The following CD109 variants were observed in gnomAD, a reference collection of about 807,000 sequenced individuals.
CD109 encodes CD109 antigen.
CD109 carries 149 observed loss-of-function variants against 165.8 expected under a neutral mutation model. The ratio of observed to expected loss-of-function variants is 0.90; its 90% confidence interval spans 0.79 to 1.03. The LOEUF (loss-of-function observed/expected upper bound fraction) is 1.03. CD109 is among the 50% of genes least tolerant of loss of function. The pLI is 0.00. For synonymous variants in CD109, 585 were observed against 592.1 expected, an observed-to-expected ratio of 0.99 and a Z score of 0.18; for missense variants, 1,712 against 1,677.8, an observed-to-expected ratio of 1.02 and a Z score of -0.36.
In CD109 at chr6:73,732,671, ACTGCATAAATTGC is replaced by A. The variant is rs551164815; in HGVS notation, c.507+2101_507+2113del. On this transcript the variant is annotated intron_variant, in intron 4 of 32. Transcript: ENST00000287097. Reference sequence around the variant, plus strand: ...CTACTGCAGGCAAATAAAAGTTAGCACTGCATAAATTGCCTGTTCTAGACATCAACCCAGAACT... The same window carrying A: ...CTACTGCAGGCAAATAAAAGTTAGCACTGTTCTAGACATCAACCCAGAACT... Among the ~76,000 whole-genome samples the A allele has an allele frequency of 5.6e-4, 85 of 152,362 alleles. 1 individual carries two copies. In the East Asian group the frequency reaches 0.011, roughly 20 times the overall value.
At chr6:73,746,769 A>G (rs78528790) in intron 5 of CD109, among the ~76,000 whole-genome samples, 4 of 152,306 alleles carry the variant, frequency 2.6e-5, no homozygotes, top group South Asian at 4.1e-4. Flanking sequence ...GGTTAGATCC[A>G]TTATTCCCAA....
intron 23 of CD109, among the ~76,000 whole-genome samples, chr6:73,800,989 A>T (rs1775342074): frequency 6.6e-6 from 1 of 152,150 alleles, no homozygotes; most frequent in East Asian, 1.9e-4. Flanking sequence ...AAATGCATCA[A>T]TTTTTTTATT....
At chr6:73,783,575 G>A (rs1044479062) in intron 18 of CD109, 132 bp from the exon 19 acceptor site, 7 of 635,574 alleles carry the variant, frequency 1.1e-5, no homozygotes, top group Non-Finnish European at 1.9e-5. Context: ...CTTTTAAATG[G>A]TTTTAAATTC....
intron 7 of CD109, among the ~76,000 whole-genome samples, chr6:73,761,058 CACACACACACACAA>C (rs1354569047): frequency 1.7e-4 from 25 of 148,902 alleles, no homozygotes; most frequent in African/African-American, 6.2e-4. Flanking sequence ...CACACACACA[CACACACACACACAA>C]ACCCAGAAAC....
chr6:73,768,996 ACTTT>A (rs1043101614), intron 14 of CD109, among the ~76,000 whole-genome samples: 1 of 152,082 alleles, frequency 6.6e-6, no homozygotes, highest in Non-Finnish European at 1.5e-5. Context: ...AGTGATCTGT[ACTTT>A]CTTTTTTAAA....
chr6:73,753,396 A>G (rs1265512849), intron 5 of CD109, among the ~76,000 whole-genome samples: 1 of 152,224 alleles, frequency 6.6e-6, no homozygotes, highest in Non-Finnish European at 1.5e-5. Flanking sequence ...TTGATTATAT[A>G]TCTCATTAAA....
intron 19 of CD109, among the ~76,000 whole-genome samples, chr6:73,784,153 A>G (rs1015524172): frequency 1.3e-5 from 2 of 152,140 alleles, no homozygotes; most frequent in Admixed American, 1.3e-4. Flanking sequence ...GAGTCTTTCT[A>G]TTTGTCCTCT....
intron 31 of CD109, 146 bp downstream of exon 31, chr6:73,818,681 T>G: frequency 2.9e-6 from 2 of 696,160 alleles, no homozygotes; most frequent in Non-Finnish European, 4.7e-6. Context: ...CAACCATATA[T>G]TTATCTCCAT....
chr6:73,758,742 A>C (rs1235204079), intron 6 of CD109, among the ~76,000 whole-genome samples: 2 of 152,198 alleles, frequency 1.3e-5, no homozygotes, highest in Non-Finnish European at 2.9e-5. Flanking sequence ...GGTGAAACAA[A>C]GGGCTTTTCA....
At chr6:73,731,420 G>GA (rs1267376238) in intron 4 of CD109, among the ~76,000 whole-genome samples, 3 of 152,244 alleles carry the variant, frequency 2.0e-5, no homozygotes, top group Non-Finnish European at 4.4e-5. Context: ...TACAGAGGGG[G>GA]AAGCACATGG....
chr6:73,686,707 T>C, the CD109 span, among the ~76,000 whole-genome samples: 1 of 152,338 alleles, frequency 6.6e-6, no homozygotes, highest in South Asian at 2.1e-4. Flanking sequence ...TCTTTCTTTT[T>C]TTGAGACAGA....
At chr6:73,748,496 T>C (rs1036487639) in intron 5 of CD109, among the ~76,000 whole-genome samples, 22 of 152,244 alleles carry the variant, frequency 1.4e-4, no homozygotes, top group African/African-American at 5.1e-4. Context: ...CATACTCACA[T>C]ATGTGGTTAT....
chr6:73,722,492 C>T (rs1171443715), intron 2 of CD109, among the ~76,000 whole-genome samples: 1 of 152,162 alleles, frequency 6.6e-6, no homozygotes, highest in East Asian at 1.9e-4. Context: ...GCTCTGGTGC[C>T]TCTGCTCTCA....
intron 5 of CD109, among the ~76,000 whole-genome samples, chr6:73,740,144 G>A (rs764410509): frequency 1.9e-4 from 29 of 152,188 alleles, no homozygotes; most frequent in South Asian, 1.2e-3. Flanking sequence ...CTCACAAAGT[G>A]CTGGGATTAC....
chr6:73,825,079 A>T lies in CD109; in HGVS notation c.*1446A>T, dbSNP rs572848503. 6.6e-6 allele frequency: 1 copy of T among 152,202 alleles called. No individual in the cohort carries two copies. The highest frequency in any genetic ancestry group is 1.5e-5 in the Non-Finnish European group (1 of 68,032). The allele number at this position is 152,202 out of a possible 1,614,324, so 9.4% of individuals were successfully genotyped here. On this transcript the variant is annotated 3_prime_UTR_variant, in exon 33 of 33. Coordinates refer to ENST00000287097, the MANE Select transcript of CD109 (RefSeq NM_133493.5). The stretch of plus-strand genomic sequence containing the variant: ...AATGTATCTTTTAAAGTTAATTTTT[A>T]AAAATGCTCTTATTTTAGTGAATTT...
At position 73,708,133 on chromosome 6, in the gene CD109, T is replaced by A. The variant is rs570433272; in HGVS notation, c.247+10561T>A. 9.2e-5 allele frequency among the ~76,000 whole-genome samples: 14 copies of A among 152,098 alleles called. No individual in the cohort carries two copies. The South Asian group carries it at 2.9e-3, about 32-fold the overall frequency. On this transcript the variant is annotated intron_variant, in intron 2 of 32. Coordinates refer to ENST00000287097, the MANE Select transcript of CD109 (RefSeq NM_133493.5). ...CACTTACATTAGGTGTATCTCCTAATACTATCCCTTCCCCCTTCCCCCATC... is the reference window on the plus strand; with the variant it reads ...CACTTACATTAGGTGTATCTCCTAAAACTATCCCTTCCCCCTTCCCCCATC...
chr6:73,762,862 C>T lies in CD109; in HGVS notation c.977C>T (p.Thr326Ile). ...CCTGGACCAGTAGAAATTTTAACCA[C>T]AGTGACAGAATCAGTTACAGGTTTG... Reference protein sequence around the residue: ...SSPGPVEILTTVTESVTGISR... With the variant: ...SSPGPVEILTIVTESVTGISR... The change falls in exon 9 of 33, where the codon ACA becomes ATA. Residue 326 changes from threonine (T) to isoleucine (I), a missense_variant. Coordinates refer to ENST00000287097, the MANE Select transcript of CD109 (RefSeq NM_133493.5). 1 of 1,611,494 alleles carries T rather than the reference C, an allele frequency of 6.2e-7. No homozygotes were observed.
chr6:73,811,354 A>G (rs967028749), intron 28 of CD109, among the ~76,000 whole-genome samples: 4 of 152,114 alleles, frequency 2.6e-5, no homozygotes, highest in Non-Finnish European at 5.9e-5. Context: ...ACAGGAGAAA[A>G]CACGGGCACT....
chr6:73,710,382 C>A (rs1771482316), intron 2 of CD109, among the ~76,000 whole-genome samples: 1 of 152,092 alleles, frequency 6.6e-6, no homozygotes, highest in Admixed American at 6.5e-5. Context: ...ATCCAACTTA[C>A]AAGGGATGTG....
Sources: allele counts gnomAD v4.1 joint callset (sites outside exome capture counted in the v4.1 genomes callset), GRCh38; gene constraint gnomAD v4.1.1; transcripts MANE v1.5; gene names NCBI Gene and HGNC (gene_info 2026-07-23, HGNC 2026-07-21).